Variants in KIZ observed in about 807,000 individuals in gnomAD.
The protein encoded by KIZ is centrosomal protein kizuna.
A neutral mutation model predicts 79.6 loss-of-function variants in KIZ; 68 were observed. The ratio of observed to expected loss-of-function variants is 0.85; its 90% CI spans 0.70 to 1.05. KIZ has a LOEUF of 1.05. Ranked by LOEUF, KIZ falls within the 50% of genes least tolerant of loss-of-function variation. The pLI, the probability that KIZ is intolerant of heterozygous loss-of-function variation, is 0.00. For missense variants in KIZ, 797 were observed against 800.4 expected (o/e 1.00, Z 0.05); for synonymous variants, 280 against 281.8 (o/e 0.99, Z 0.06).
At chr20:21,232,610 C>T in intron 10 of KIZ, 124 bp from the exon 11 acceptor site, 1 of 626,128 alleles carries the variant, frequency 1.6e-6, no homozygotes, top group South Asian at 1.9e-5. Context: ...CCTTCTGTGG[C>T]TTGAACAGCA....
chr20:21,130,061 C>T (rs1054279944), intron 1 of KIZ, among the ~76,000 whole-genome samples: 5 of 152,176 alleles, frequency 3.3e-5, no homozygotes, highest in African/African-American at 9.7e-5. Context: ...GAAACCAGTC[C>T]GCAGACTGCA....
At chr20:21,138,409 A>T (rs1288262235) in intron 3 of KIZ, among the ~76,000 whole-genome samples, 2 of 152,252 alleles carry the variant, frequency 1.3e-5, no homozygotes, top group Non-Finnish European at 2.9e-5. Flanking sequence ...TTCTGCAGTG[A>T]TGACAATGTT....
intron 11 of KIZ, among the ~76,000 whole-genome samples, chr20:21,240,411 C>T (rs996391957): frequency 6.6e-6 from 1 of 152,230 alleles, no homozygotes; most frequent in Non-Finnish European, 1.5e-5. Flanking sequence ...CCACCACACC[C>T]AGCCGATTGT....
chr20:21,208,534 T>C (rs1000956926), intron 7 of KIZ, among the ~76,000 whole-genome samples: 4 of 152,230 alleles, frequency 2.6e-5, no homozygotes, highest in African/African-American at 9.6e-5. Context: ...AAACCCCGTC[T>C]CTACTAAAAA....
Position 21,162,487 on chromosome 20 carries a change from C to T in KIZ, c.1022C>T (p.Ser341Phe). The T allele has an allele frequency of 6.2e-7, 1 of 1,612,490 alleles. No homozygotes were observed. Among genetic ancestry groups the T allele is most frequent in the Non-Finnish European group, 8.5e-7 (1 of 1,178,992 alleles). ...AATAAGTGGTCTCAAGAGAAGCATT[C>T]TCCTTGGGAAGGTGTTTCAGGTGGG... ...SENKWSQEKH[S>F]PWEGVSDHLA... Residue 341 changes from serine to phenylalanine, a missense_variant, in exon 5 of 13, where the codon TCT becomes TTT. Coordinates refer to ENST00000619189, the MANE Select transcript of KIZ (RefSeq NM_018474.6).
At chr20:21,218,371 A>G (rs2036381606) in intron 9 of KIZ, 1 of 152,206 alleles carries the variant, frequency 6.6e-6, no homozygotes, top group South Asian at 2.1e-4. Flanking sequence ...ACCAGGCAGC[A>G]GACCTCCCCT....
At chr20:21,182,158 G>A (rs2034680305) in intron 6 of KIZ, among the ~76,000 whole-genome samples, 1 of 152,124 alleles carries the variant, frequency 6.6e-6, no homozygotes, top group Admixed American at 6.5e-5. Context: ...GAGGTACTTT[G>A]GGTTAGATGA....
At chr20:21,213,336 T>A (rs1369954817) in intron 7 of KIZ, among the ~76,000 whole-genome samples, 1 of 152,256 alleles carries the variant, frequency 6.6e-6, no homozygotes, top group Non-Finnish European at 1.5e-5. Flanking sequence ...GTCTTCACCT[T>A]GTTTCATGTT....
intron 3 of KIZ, among the ~76,000 whole-genome samples, chr20:21,137,066 C>T (rs536305392): frequency 2.6e-5 from 4 of 152,314 alleles, no homozygotes; most frequent in African/African-American, 9.6e-5. Flanking sequence ...ATTTGAGCAG[C>T]ATTGGGGTTC....
At chr20:21,246,345 A>C (rs1480128643) in intron 12 of KIZ, 134 bp from the exon 13 acceptor site, 1 of 661,846 alleles carries the variant, frequency 1.5e-6, no homozygotes, top group African/African-American at 1.8e-5. Context: ...CTGGTCAGGT[A>C]CATCATGTGG....
chr20:21,169,724 C>T (rs986097218), intron 6 of KIZ, among the ~76,000 whole-genome samples: 1 of 152,184 alleles, frequency 6.6e-6, no homozygotes, highest in Non-Finnish European at 1.5e-5. Context: ...GCTCCATCTA[C>T]TCACCCCTCT....
In KIZ at chr20:21,170,304, A is replaced by G. The variant is rs369797803; in HGVS notation, c.1352+7145A>G. On this transcript the variant is annotated intron_variant, in intron 6 of 12. Coordinates refer to ENST00000619189, the MANE Select transcript of KIZ (RefSeq NM_018474.6). ...CCTTTGTGTTATAAACAATCCAGTT[A>G]TACTCTTTTGGTTATTTTTAAATGT... 1.2e-3 allele frequency among the ~76,000 whole-genome samples: 188 copies of G among 152,020 alleles called. 2 individuals carry two copies. In the South Asian group the frequency reaches 0.02, roughly 16 times the overall value.
chr20:21,173,378 G>A (rs1483190454), intron 6 of KIZ, among the ~76,000 whole-genome samples: 2 of 151,832 alleles, frequency 1.3e-5, no homozygotes, highest in East Asian at 3.9e-4. Flanking sequence ...AGGAGTTCAA[G>A]ACCAGCCTGG....
chr20:21,187,955 G>C (rs1243688328), intron 6 of KIZ, among the ~76,000 whole-genome samples: 1 of 152,166 alleles, frequency 6.6e-6, no homozygotes, highest in Non-Finnish European at 1.5e-5. Context: ...CTCAGAAAAT[G>C]ACACCCCAAA....
intron 6 of KIZ, among the ~76,000 whole-genome samples, chr20:21,191,471 G>A (rs1600496035): frequency 6.6e-6 from 1 of 152,236 alleles, no homozygotes; most frequent in Non-Finnish European, 1.5e-5. Context: ...AGTCTATGGC[G>A]AAAGCCAGGC....
In KIZ at chr20:21,161,930, A is replaced by G. The variant is rs1442731886; in HGVS notation, c.465A>G (p.Pro155=). Residue 155 remains proline (P), a synonymous_variant, in exon 5 of 13, where the codon CCA becomes CCG. Transcript: ENST00000619189. ...CCATGTCAAGAGGATTGTATCAACCAGCAACAATCTTTATGGGCCGCCAAA... is the reference window on the plus strand; with the variant it reads ...CCATGTCAAGAGGATTGTATCAACCGGCAACAATCTTTATGGGCCGCCAAA... ...GTAMSRGLYQ[P]ATIFMGRQMS... 4.3e-6 allele frequency: 7 copies of G among 1,612,858 alleles called. No individual in the cohort carries two copies. Among genetic ancestry groups the G allele is most frequent in the South Asian group, 3.3e-5 (3 of 91,076 alleles).
chr20:21,199,605 C>T (rs1054317163), intron 6 of KIZ, among the ~76,000 whole-genome samples: 25 of 152,264 alleles, frequency 1.6e-4, no homozygotes, highest in Middle Eastern at 3.4e-3. Context: ...GGATTTTAGT[C>T]ACCAGGCTGC....
At chr20:21,224,884 TTCTCC>T (rs1335086087) in intron 9 of KIZ, among the ~76,000 whole-genome samples, 4 of 152,228 alleles carry the variant, frequency 2.6e-5, no homozygotes. Flanking sequence ...GGCTTTTTCT[TTCTCC>T]TCTCCTTAAC....
At chr20:21,140,318 C>T (rs932578706) in intron 3 of KIZ, among the ~76,000 whole-genome samples, 2 of 152,170 alleles carry the variant, frequency 1.3e-5, no homozygotes, top group African/African-American at 4.8e-5. Flanking sequence ...AGGTATTGCA[C>T]CTTGAACAGA....
Sources: gnomAD v4.1 joint callset for allele counts (sites outside exome capture counted in the v4.1 genomes callset) on GRCh38, gnomAD v4.1.1 for gene constraint, MANE v1.5 for transcripts, NCBI Gene and HGNC (gene_info 2026-07-23, HGNC 2026-07-21) for gene names.